Variants in CADM2 observed in about 807,000 individuals in gnomAD.
CADM2 encodes immunoglobulin superfamily member 4D.
A neutral mutation model predicts 49.8 loss-of-function variants in CADM2; 12 were observed. The observed-to-expected ratio is 0.24, with a 90% CI of 0.15 to 0.39. The LOEUF (loss-of-function observed/expected upper bound fraction) is 0.39, where lower values mean the gene tolerates loss of function less well. CADM2 is among the 10% of genes least tolerant of loss of function. The pLI, the probability that CADM2 is intolerant of heterozygous loss-of-function variation, is 1.00. For synonymous variants in CADM2, 214 were observed against 175.4 expected, an observed-to-expected ratio of 1.22 and a Z score of -1.74; for missense variants, 378 against 492.3, an observed-to-expected ratio of 0.77 and a Z score of 2.20.
chr3:85,702,092 C>T (rs1337867659), intron 1 of CADM2, among the ~76,000 whole-genome samples: 1 of 151,948 alleles, frequency 6.6e-6, no homozygotes, highest in Non-Finnish European at 1.5e-5. Context: ...TAATTCTTAC[C>T]TTATGCTGTA....
intron 1 of CADM2, among the ~76,000 whole-genome samples, chr3:85,427,425 G>A (rs2036463312): frequency 6.6e-6 from 1 of 151,810 alleles, no homozygotes; most frequent in East Asian, 1.9e-4. Flanking sequence ...GAGAGGTTAA[G>A]CGTCTAGGTT....
At chr3:85,598,223 A>G (rs533794187) in intron 1 of CADM2, among the ~76,000 whole-genome samples, 2 of 152,060 alleles carry the variant, frequency 1.3e-5, no homozygotes, top group Non-Finnish European at 2.9e-5. Flanking sequence ...ACAAAAAAGC[A>G]TCTAAACTTT....
rs1703318257 is a variant in CADM2, at chr3:86,072,149, T to A, written c.*5366T>A. ...TATCCTAAAAGAAATGACAGATTCT[T>A]CTGTAGGAAAAAATAAAAACATGAA... is the stretch of plus-strand genomic sequence containing the variant. On this transcript the variant is annotated 3_prime_UTR_variant, in exon 10 of 10. Transcript: ENST00000383699. 1 of 151,854 alleles carries A rather than the reference T, an allele frequency of 6.6e-6. No homozygotes were observed. The highest frequency in any genetic ancestry group is 2.4e-5 in the African/African-American group (1 of 41,402). 9.4% of individuals were successfully genotyped at this position (151,854 alleles called of 1,614,324 possible).
chr3:85,697,162 G>A (rs1206949889), intron 1 of CADM2, among the ~76,000 whole-genome samples: 1 of 150,440 alleles, frequency 6.6e-6, no homozygotes, highest in African/African-American at 2.4e-5. Flanking sequence ...CATAGAACAG[G>A]TAGATTATAT....
At chr3:85,772,004 CTTTCTTTTTTT>C (rs2070117066) in intron 2 of CADM2, among the ~76,000 whole-genome samples, 1 of 113,936 alleles carries the variant, frequency 8.8e-6, no homozygotes, top group Non-Finnish European at 1.8e-5. Context: ...TTTTTTCTTT[CTTTCTTTTTTT>C]TTTTTTTTTT....
chr3:85,169,089 G>T (rs1474350352), intron 1 of CADM2, among the ~76,000 whole-genome samples: 3 of 151,876 alleles, frequency 2.0e-5, no homozygotes, highest in Non-Finnish European at 4.4e-5. Flanking sequence ...AGTATCTGGG[G>T]TTACAGGCGC....
intron 1 of CADM2, among the ~76,000 whole-genome samples, chr3:85,629,141 T>C (rs1218731405): frequency 6.6e-6 from 1 of 151,838 alleles, no homozygotes; most frequent in Non-Finnish European, 1.5e-5. Context: ...TTATATATGG[T>C]CATATATATA....
At chr3:85,205,648 C>A (rs1313604079) in intron 1 of CADM2, among the ~76,000 whole-genome samples, 1 of 151,608 alleles carries the variant, frequency 6.6e-6, no homozygotes. Flanking sequence ...TAAAATAGAT[C>A]ATAGATTATA....
At chr3:85,094,282 T>C (rs1327153305) in intron 1 of CADM2, among the ~76,000 whole-genome samples, 2 of 152,136 alleles carry the variant, frequency 1.3e-5, no homozygotes, top group Non-Finnish European at 2.9e-5. Flanking sequence ...AATTACCTAA[T>C]AAATAATTTT....
chr3:85,225,333 A>T (rs1017322023), intron 1 of CADM2, among the ~76,000 whole-genome samples: 5 of 152,078 alleles, frequency 3.3e-5, no homozygotes, highest in Non-Finnish European at 7.4e-5. Flanking sequence ...TGTAAGTTGG[A>T]TTCCTAGGTA....
At chr3:85,671,455 A>G (rs952776133) in intron 1 of CADM2, among the ~76,000 whole-genome samples, 1 of 152,200 alleles carries the variant, frequency 6.6e-6, no homozygotes, top group Non-Finnish European at 1.5e-5. Flanking sequence ...CCACTCTTTC[A>G]TTTCCAGTGC....
intron 6 of CADM2, among the ~76,000 whole-genome samples, chr3:85,915,923 C>T (rs747793431): frequency 1.9e-4 from 29 of 151,956 alleles, no homozygotes; most frequent in Non-Finnish European, 4.1e-4. Context: ...AATAAAAATC[C>T]TCTGATATTG....
intron 1 of CADM2, among the ~76,000 whole-genome samples, chr3:85,181,775 T>C (rs900414776): frequency 6.6e-6 from 1 of 151,182 alleles, no homozygotes; most frequent in Non-Finnish European, 1.5e-5. Context: ...ATTTCCCTTA[T>C]TATACCTTAT....
intron 1 of CADM2, among the ~76,000 whole-genome samples, chr3:85,619,899 C>A (rs2063919269): frequency 6.6e-6 from 1 of 152,158 alleles, no homozygotes; most frequent in Non-Finnish European, 1.5e-5. Flanking sequence ...TCCAAAATCC[C>A]AGCCTGTCAG....
intron 3 of CADM2, among the ~76,000 whole-genome samples, chr3:85,872,497 T>C (rs999311985): frequency 6.6e-6 from 1 of 151,958 alleles, no homozygotes; most frequent in Non-Finnish European, 1.5e-5. Flanking sequence ...AAAAAGCCTT[T>C]ATTATACTCA....
intron 8 of CADM2, chr3:86,012,427 C>T: frequency 2.4e-6 from 1 of 414,560 alleles, no homozygotes; most frequent in Non-Finnish European, 4.3e-6. Context: ...GGCTTCTCGC[C>T]CGCCCGCCCC....
rs553487881 is a variant in CADM2, at chr3:85,586,708, A to T, written c.62-139814A>T. On this transcript the variant is annotated intron_variant, in intron 1 of 9. Coordinates refer to ENST00000383699, the MANE Select transcript of CADM2 (RefSeq NM_001167675.2). ...GGTTTTTACCATTCCTTTTAATGAA[A>T]ACAGCTATATGGCTCAATTTGACCA... 1.7e-4 allele frequency among the ~76,000 whole-genome samples: 26 copies of T among 152,256 alleles called. No homozygotes were observed. In the South Asian group the frequency reaches 4.6e-3, roughly 27 times the overall value.
intron 2 of CADM2, among the ~76,000 whole-genome samples, chr3:85,727,111 C>T (rs2067732824): frequency 6.6e-6 from 1 of 152,032 alleles, no homozygotes; most frequent in African/African-American, 2.4e-5. Context: ...AGTATTTTGG[C>T]TCCATGTGTC....
intron 1 of CADM2, among the ~76,000 whole-genome samples, chr3:85,277,245 T>C (rs2043378692): frequency 6.6e-6 from 1 of 151,348 alleles, no homozygotes; most frequent in South Asian, 2.1e-4. Flanking sequence ...AGAATCCCTG[T>C]TATACAATGA....
Sources: gnomAD v4.1 joint callset for allele counts (sites outside exome capture counted in the v4.1 genomes callset) on GRCh38, gnomAD v4.1.1 for gene constraint, MANE v1.5 for transcripts, NCBI Gene and HGNC (gene_info 2026-07-23, HGNC 2026-07-21) for gene names.